RIC1: variants seen among roughly 807,000 people sequenced by gnomAD.
The protein encoded by RIC1 is guanine nucleotide exchange factor subunit RIC1.
In RIC1, 88 loss-of-function variants were observed where a neutral mutation model predicts 169.0. The ratio of observed to expected loss-of-function variants is 0.52; its 90% CI spans 0.44 to 0.62. The LOEUF is 0.62. Among genes scored for constraint, RIC1 ranks in the 20% least tolerant of loss-of-function variants. RIC1 has a pLI of 0.00. For synonymous variants in RIC1, 790 were observed against 601.5 expected (o/e 1.31, Z -4.59); for missense variants, 1,877 against 1,725.5 (o/e 1.09, Z -1.56).
chr9:5,652,305 T>G (rs1299572044), intron 1 of RIC1, among the ~76,000 whole-genome samples: 5 of 152,330 alleles, frequency 3.3e-5, no homozygotes, highest in Non-Finnish European at 7.4e-5. Context: ...TTGGGTCATA[T>G]GGACAATTTA....
At chr9:5,645,922 C>T (rs1247801626) in intron 1 of RIC1, among the ~76,000 whole-genome samples, 1 of 150,174 alleles carries the variant, frequency 6.7e-6, no homozygotes, top group Non-Finnish European at 1.5e-5. Flanking sequence ...AGAAGTGGAC[C>T]TGCTGTTTCA....
At chr9:5,648,637 C>A (rs549264280) in intron 1 of RIC1, among the ~76,000 whole-genome samples, 2 of 152,272 alleles carry the variant, frequency 1.3e-5, no homozygotes, top group Admixed American at 6.5e-5. Flanking sequence ...TATATTTCCA[C>A]CACAGGAGTT....
At chr9:5,722,034 A>ACG in intron 6 of RIC1, among the ~76,000 whole-genome samples, 1 of 151,564 alleles carries the variant, frequency 6.6e-6, no homozygotes, top group Admixed American at 6.6e-5. Context: ...GATTACAGGC[A>ACG]TGCACCACCA....
intron 3 of RIC1, among the ~76,000 whole-genome samples, chr9:5,702,900 C>T (rs1257223424): frequency 6.6e-6 from 1 of 152,180 alleles, no homozygotes; most frequent in Non-Finnish European, 1.5e-5. Context: ...ATCACAAGAA[C>T]AGCACCAAAG....
At chr9:5,745,279 C>A (rs1825311901) in intron 10 of RIC1, among the ~76,000 whole-genome samples, 1 of 152,072 alleles carries the variant, frequency 6.6e-6, no homozygotes, top group African/African-American at 2.4e-5. Context: ...TGCCCCTTCA[C>A]CATTTTCTTG....
chr9:5,757,298 CT>C lies in RIC1; in HGVS notation c.1854-11del. 1 of 1,613,420 alleles carries C rather than the reference CT, an allele frequency of 6.2e-7. No homozygotes were observed. The highest frequency in any genetic ancestry group is 8.5e-7 in the Non-Finnish European group (1 of 1,179,576). On this transcript the variant is annotated splice_polypyrimidine_tract_variant and intron_variant, in intron 16 of 25. Transcript: ENST00000414202. ...CATTGTTGTTGAGGTATGTGGGTTT[CT>C]TTTGTTTTTACAGTCCAAATACTAC...
At chr9:5,684,718 G>T (rs999491168) in intron 2 of RIC1, among the ~76,000 whole-genome samples, 6 of 151,976 alleles carry the variant, frequency 3.9e-5, no homozygotes, top group African/African-American at 9.7e-5. Context: ...TTTCTTGTCT[G>T]AATTTACTGC....
intron 4 of RIC1, among the ~76,000 whole-genome samples, chr9:5,716,974 C>G (rs1234866945): frequency 6.6e-6 from 1 of 152,130 alleles, no homozygotes. Context: ...CCTGGCTCAG[C>G]CTTTGTTTTA....
At chr9:5,671,092 G>T (rs1040213226) in intron 2 of RIC1, among the ~76,000 whole-genome samples, 1 of 152,074 alleles carries the variant, frequency 6.6e-6, no homozygotes, top group African/African-American at 2.4e-5. Flanking sequence ...TGCAAATCTT[G>T]TGACCTCTGG....
intron 23 of RIC1, among the ~76,000 whole-genome samples, chr9:5,770,896 G>T (rs1414338675): frequency 6.6e-6 from 1 of 152,138 alleles, no homozygotes; most frequent in Admixed American, 6.6e-5. Context: ...GAAGCAATTT[G>T]TGTTGGCATA....
intron 4 of RIC1, among the ~76,000 whole-genome samples, chr9:5,718,375 A>T (rs1193493878): frequency 2.0e-5 from 3 of 152,132 alleles, no homozygotes; most frequent in Non-Finnish European, 4.4e-5. Context: ...TTGTGTAAGA[A>T]AGATAAGAGG....
chr9:5,728,572 C>G (rs552798193), intron 6 of RIC1, among the ~76,000 whole-genome samples: 17 of 152,324 alleles, frequency 1.1e-4, no homozygotes, highest in African/African-American at 4.1e-4. Context: ...GTGAGATGAA[C>G]CTGGTACTTC....
At chr9:5,709,999 A>G (rs954606496) in intron 3 of RIC1, among the ~76,000 whole-genome samples, 6 of 152,216 alleles carry the variant, frequency 3.9e-5, no homozygotes, top group African/African-American at 1.4e-4. Context: ...ATAATCACCA[A>G]CAGAAAAAAA....
At chr9:5,637,794 A>AT (rs973681515) in intron 1 of RIC1, among the ~76,000 whole-genome samples, 8 of 151,962 alleles carry the variant, frequency 5.3e-5, no homozygotes, top group Non-Finnish European at 1.0e-4. Flanking sequence ...ACCGGATCTC[A>AT]TTTTTTTTGT....
intron 2 of RIC1, among the ~76,000 whole-genome samples, chr9:5,674,898 A>G (rs1373187112): frequency 6.6e-6 from 1 of 152,216 alleles, no homozygotes; most frequent in Non-Finnish European, 1.5e-5. Context: ...AAACTTCTAA[A>G]TTGATTGAGA....
At position 5,774,305 on chromosome 9, in the gene RIC1, G is replaced by A. The variant is rs371303473; in HGVS notation, c.*59G>A. 1.5e-5 allele frequency: 21 copies of A among 1,407,482 alleles called. No homozygotes were observed. The South Asian group carries it at 2.1e-4, about 14-fold the overall frequency. 87.2% of individuals were successfully genotyped at this position (1,407,482 alleles called of 1,614,324 possible). ...TTAGCAGCAGCGTGCAGCTCAGTAC[G>A]TTGTAACATAGTTGGATGATTTAAC... On this transcript the variant is annotated 3_prime_UTR_variant, in exon 26 of 26. Coordinates refer to ENST00000414202, the MANE Select transcript of RIC1 (RefSeq NM_020829.4).
At chr9:5,684,133 G>C (rs1234617206) in intron 2 of RIC1, among the ~76,000 whole-genome samples, 2 of 152,056 alleles carry the variant, frequency 1.3e-5, no homozygotes, top group Non-Finnish European at 2.9e-5. Context: ...CTCACGCACA[G>C]TGCGCTGCAC....
At chr9:5,749,072 C>T (rs886131719) in intron 12 of RIC1, among the ~76,000 whole-genome samples, 2 of 152,124 alleles carry the variant, frequency 1.3e-5, no homozygotes, top group African/African-American at 4.8e-5. Context: ...TAAAGTCCAA[C>T]TGGATTTGAT....
intron 2 of RIC1, among the ~76,000 whole-genome samples, chr9:5,670,397 A>C (rs1243525785): frequency 2.0e-5 from 3 of 152,214 alleles, no homozygotes; most frequent in African/African-American, 7.2e-5. Flanking sequence ...TCCTACTATG[A>C]ATTTTAATCA....
Sources: allele counts gnomAD v4.1 joint callset (sites outside exome capture counted in the v4.1 genomes callset), GRCh38; gene constraint gnomAD v4.1.1; transcripts MANE v1.5; gene names NCBI Gene and HGNC (gene_info 2026-07-23, HGNC 2026-07-21).